CCDC170: variants seen among roughly 807,000 people sequenced by gnomAD.
CCDC170 encodes coiled-coil domain containing 170, also known as coiled-coil domain-containing protein 170.
In CCDC170, 69 loss-of-function variants were observed where a neutral mutation model predicts 72.6. The ratio of observed to expected loss-of-function variants is 0.95; its 90% CI spans 0.78 to 1.16. The LOEUF (loss-of-function observed/expected upper bound fraction) is 1.16. Among genes scored for constraint, CCDC170 ranks in the 50% most tolerant of loss-of-function variants. The probability of loss-of-function intolerance (pLI) is 0.00; values close to 1 mark genes in which losing one functional copy is unlikely to be tolerated. For synonymous variants in CCDC170, 300 were observed against 303.9 expected (o/e 0.99, Z 0.13); for missense variants, 852 against 832.5 (o/e 1.02, Z -0.29).
At chr6:151,557,914 C>T (rs1562281822) in intron 5 of CCDC170, among the ~76,000 whole-genome samples, 1 of 152,138 alleles carries the variant, frequency 6.6e-6, no homozygotes, top group Non-Finnish European at 1.5e-5. Flanking sequence ...GCCTGGCCAA[C>T]ATGGCCAAAC....
rs1460231899 is a variant in CCDC170, at chr6:151,548,291, G to A, written c.589-13G>A. 5.2e-6 allele frequency: 8 copies of A among 1,530,772 alleles called. No homozygotes were observed. Among genetic ancestry groups the A allele is most frequent in the Non-Finnish European group, 6.2e-6 (7 of 1,135,128 alleles). 94.8% of individuals were successfully genotyped at this position (1,530,772 alleles called of 1,614,324 possible). On this transcript the variant is annotated splice_polypyrimidine_tract_variant and intron_variant, in intron 4 of 10. Transcript: ENST00000239374. ...TAATTTTTATAGGACAGCTGTAATT[G>A]CTTTCTCTTCAGCTTAGAGACCTGC...
intron 1 of CCDC170, among the ~76,000 whole-genome samples, chr6:151,506,252 T>G (rs1275509538): frequency 6.6e-6 from 1 of 152,228 alleles, no homozygotes; most frequent in Non-Finnish European, 1.5e-5. Flanking sequence ...CGTGGATTTA[T>G]TTAGAATTGA....
At chr6:151,501,973 T>G (rs951068503) in intron 1 of CCDC170, among the ~76,000 whole-genome samples, 12 of 152,240 alleles carry the variant, frequency 7.9e-5, no homozygotes, top group Non-Finnish European at 1.6e-4. Context: ...TATTGGTGCT[T>G]TGGTGGCTTT....
At chr6:151,515,801 C>T (rs763734363) in intron 1 of CCDC170, among the ~76,000 whole-genome samples, 7 of 152,170 alleles carry the variant, frequency 4.6e-5, no homozygotes, top group Non-Finnish European at 1.0e-4. Flanking sequence ...GGCGCAGTGG[C>T]TCATGCCTAT....
chr6:151,572,151 C>A lies in CCDC170; in HGVS notation c.775-1023C>A, dbSNP rs187449365. ...TACAGGAGTGAGCCACTGTGCCCAG[C>A]CCATATTATATTCTTTAAGATTATT... On this transcript the variant is annotated intron_variant, in intron 5 of 10. Transcript: ENST00000239374. 2.0e-5 allele frequency among the ~76,000 whole-genome samples: 3 copies of A among 152,268 alleles called. No homozygotes were observed. The East Asian group carries it at 5.8e-4, about 29-fold the overall frequency.
intron 1 of CCDC170, among the ~76,000 whole-genome samples, chr6:151,495,510 T>G (rs1022751063): frequency 3.3e-5 from 5 of 152,056 alleles, no homozygotes; most frequent in South Asian, 2.1e-4. Flanking sequence ...CTTTCTTCTT[T>G]TTTTCAGACA....
chr6:151,561,795 T>C (rs1424495614), intron 5 of CCDC170, among the ~76,000 whole-genome samples: 2 of 152,136 alleles, frequency 1.3e-5, no homozygotes, highest in Non-Finnish European at 2.9e-5. Flanking sequence ...AATTTTTCCC[T>C]CAAATCTGTT....
intron 1 of CCDC170, among the ~76,000 whole-genome samples, chr6:151,535,337 T>G (rs1239804358): frequency 6.6e-6 from 1 of 152,196 alleles, no homozygotes; most frequent in African/African-American, 2.4e-5. Flanking sequence ...AGCTGAGACC[T>G]GTTCCCTTCC....
chr6:151,583,426 T>A (rs930093382), intron 6 of CCDC170, among the ~76,000 whole-genome samples: 2 of 152,134 alleles, frequency 1.3e-5, no homozygotes, highest in Non-Finnish European at 2.9e-5. Flanking sequence ...GTCATTTCCA[T>A]CTTTTGAGTT....
chr6:151,591,332 G>C (rs895427619), intron 7 of CCDC170, among the ~76,000 whole-genome samples: 1 of 152,140 alleles, frequency 6.6e-6, no homozygotes, highest in Non-Finnish European at 1.5e-5. Context: ...CAAGCACTTA[G>C]TAAGCATTGT....
intron 1 of CCDC170, among the ~76,000 whole-genome samples, chr6:151,513,932 A>AAG (rs1466270453): frequency 7.3e-5 from 11 of 151,092 alleles, no homozygotes; most frequent in African/African-American, 2.7e-4. Context: ...AAAAAAAAAA[A>AAG]AAAAAAAGAA....
intron 9 of CCDC170, among the ~76,000 whole-genome samples, chr6:151,609,989 T>G (rs1776844494): frequency 1.3e-5 from 2 of 152,236 alleles, no homozygotes. Context: ...CTGTAAATGT[T>G]TTCCCAATCT....
intron 1 of CCDC170, among the ~76,000 whole-genome samples, chr6:151,500,360 A>T (rs1781978145): frequency 6.6e-6 from 1 of 151,758 alleles, no homozygotes; most frequent in South Asian, 2.1e-4. Flanking sequence ...CACCCCCAAA[A>T]AGAGAATATA....
chr6:151,512,150 C>T (rs1463373295), intron 1 of CCDC170, among the ~76,000 whole-genome samples: 2 of 148,162 alleles, frequency 1.3e-5, no homozygotes, highest in Non-Finnish European at 3.0e-5. Flanking sequence ...CAGCAGTATA[C>T]CGTTTTTTTT....
chr6:151,511,407 C>T (rs1782148443), intron 1 of CCDC170, among the ~76,000 whole-genome samples: 1 of 152,156 alleles, frequency 6.6e-6, no homozygotes, highest in Non-Finnish European at 1.5e-5. Flanking sequence ...TTCTGTTTGT[C>T]TATTTATCTT....
chr6:151,513,121 C>T (rs766275175), intron 1 of CCDC170, among the ~76,000 whole-genome samples: 2 of 152,068 alleles, frequency 1.3e-5, no homozygotes, highest in Admixed American at 6.6e-5. Context: ...AACGAAATGT[C>T]GAATCGCGGG....
chr6:151,615,747 ATACT>A, intron 10 of CCDC170, 68 bp downstream of exon 10: 1 of 1,081,334 alleles, frequency 9.2e-7, no homozygotes, highest in Admixed American at 2.1e-5. Flanking sequence ...CTTGATATTA[ATACT>A]TATTCATGCA....
chr6:151,552,007 A>T (rs1583022759), intron 5 of CCDC170, among the ~76,000 whole-genome samples: 1 of 144,270 alleles, frequency 6.9e-6, no homozygotes, highest in Admixed American at 7.1e-5. Context: ...AATTCACTGC[A>T]TTTGTTGATT....
intron 6 of CCDC170, among the ~76,000 whole-genome samples, chr6:151,574,239 G>A (rs1305016329): frequency 6.6e-6 from 1 of 152,160 alleles, no homozygotes; most frequent in African/African-American, 2.4e-5. Context: ...AAATGTGGTT[G>A]TATTAATTTC....
Sources: gnomAD v4.1 joint callset for allele counts (sites outside exome capture counted in the v4.1 genomes callset) on GRCh38, gnomAD v4.1.1 for gene constraint, MANE v1.5 for transcripts, NCBI Gene and HGNC (gene_info 2026-07-23, HGNC 2026-07-21) for gene names.